Variants in OPCML observed in about 807,000 individuals in gnomAD.
OPCML encodes the protein opioid binding protein/cell adhesion molecule like.
OPCML carries 13 observed loss-of-function variants against 37.8 expected under a neutral mutation model. The ratio of observed to expected loss-of-function variants is 0.34; its 90% confidence interval spans 0.22 to 0.55. OPCML has a LOEUF of 0.55. Among genes scored for constraint, OPCML ranks in the 20% least tolerant of loss-of-function variants. The probability of loss-of-function intolerance (pLI) is 0.91; values close to 1 mark genes in which losing one functional copy is unlikely to be tolerated. For synonymous variants in OPCML, 176 were observed against 168.8 expected (o/e 1.04, Z -0.33); for missense variants, 341 against 435.6 (o/e 0.78, Z 1.93).
chr11:133,301,642 G>A (rs1387381841), intron 1 of OPCML: 2 of 152,016 alleles, frequency 1.3e-5, no homozygotes, highest in South Asian at 2.1e-4. Context: ...TGATAAAATC[G>A]GAGGGGGAAA....
At chr11:133,467,809 C>G (rs983544683) in intron 1 of OPCML, among the ~76,000 whole-genome samples, 2 of 152,170 alleles carry the variant, frequency 1.3e-5, no homozygotes, top group Non-Finnish European at 2.9e-5. Flanking sequence ...AATGAATTCC[C>G]TCACACTCCA....
intron 1 of OPCML, among the ~76,000 whole-genome samples, chr11:133,441,157 T>A (rs1946358382): frequency 6.6e-6 from 1 of 151,972 alleles, no homozygotes; most frequent in Non-Finnish European, 1.5e-5. Context: ...AATTTGTAAT[T>A]AAAAATAAAT....
intron 1 of OPCML, among the ~76,000 whole-genome samples, chr11:132,957,730 A>C (rs1290189168): frequency 6.6e-6 from 1 of 151,916 alleles, no homozygotes; most frequent in Non-Finnish European, 1.5e-5. Context: ...AAACTTTCTC[A>C]TTATATCTAG....
rs554564146 is a variant in OPCML at position 132,455,098 on chromosome 11, T to C, written c.506-17739A>G. Among the ~76,000 whole-genome samples, 189 of 152,320 alleles carry C rather than the reference T, an allele frequency of 1.2e-3. 1 individual carries two copies. Among genetic ancestry groups the C allele is most frequent in the Middle Eastern group, 0.01 (3 of 294 alleles). On this transcript the variant is annotated intron_variant, in intron 4 of 7. Transcript: ENST00000524381. Reference sequence around the variant, plus strand: ...ACATAACAGCTACATTCTTAAACGATCTTATCTAAATCCCATGCTCCTCAT... The same window carrying C: ...ACATAACAGCTACATTCTTAAACGACCTTATCTAAATCCCATGCTCCTCAT...
At chr11:132,539,829 G>A (rs1332140312) in intron 3 of OPCML, among the ~76,000 whole-genome samples, 2 of 152,102 alleles carry the variant, frequency 1.3e-5, no homozygotes, top group Non-Finnish European at 2.9e-5. Context: ...TGACGGTGAT[G>A]ATGATGTTGA....
intron 2 of OPCML, among the ~76,000 whole-genome samples, chr11:132,725,068 C>G (rs1471478402): frequency 6.6e-6 from 1 of 152,186 alleles, no homozygotes; most frequent in Non-Finnish European, 1.5e-5. Context: ...TGGCCCTATT[C>G]TCACAGGTCC....
chr11:132,742,554 T>A (rs1945466079), intron 2 of OPCML, among the ~76,000 whole-genome samples: 1 of 152,074 alleles, frequency 6.6e-6, no homozygotes, highest in Non-Finnish European at 1.5e-5. Context: ...GTTCCCAGCC[T>A]CTAGAACTAG....
chr11:132,890,898 C>T (rs1329425395), intron 2 of OPCML, among the ~76,000 whole-genome samples: 3 of 149,800 alleles, frequency 2.0e-5, no homozygotes, highest in African/African-American at 7.4e-5. Flanking sequence ...AGAAAAATGA[C>T]CCTATGATGA....
At chr11:132,927,751 T>C (rs971740294) in intron 2 of OPCML, among the ~76,000 whole-genome samples, 4 of 152,054 alleles carry the variant, frequency 2.6e-5, no homozygotes, top group South Asian at 2.1e-4. Context: ...TATAAAACTA[T>C]ACATAATAAT....
intron 1 of OPCML, among the ~76,000 whole-genome samples, chr11:133,228,476 G>C (rs1200650257): frequency 6.6e-6 from 1 of 152,266 alleles, no homozygotes; most frequent in African/African-American, 2.4e-5. Context: ...CTCAGAGAGA[G>C]TTTTCAAACT....
chr11:132,472,804 G>A lies in OPCML; in HGVS notation c.506-35445C>T, dbSNP rs567521411. Among the ~76,000 whole-genome samples, 11 of 152,328 alleles carry A rather than the reference G, an allele frequency of 7.2e-5. No individual in the cohort carries two copies. The East Asian group carries it at 9.7e-4, about 13-fold the overall frequency. On this transcript the variant is annotated intron_variant, in intron 4 of 7. Transcript: ENST00000524381. ...TCACTGCAGGGGGCAGTGGAAGCATGGCCTGATGGCATTTGTATCTTTCTC... is the reference window on the plus strand; with the variant it reads ...TCACTGCAGGGGGCAGTGGAAGCATAGCCTGATGGCATTTGTATCTTTCTC...
At chr11:132,830,520 C>G (rs780686946) in intron 2 of OPCML, among the ~76,000 whole-genome samples, 2 of 152,198 alleles carry the variant, frequency 1.3e-5, no homozygotes, top group South Asian at 4.1e-4. Flanking sequence ...CACCAGGATG[C>G]CTTCTGCAGT....
chr11:133,214,161 T>C (rs992147012), intron 1 of OPCML, among the ~76,000 whole-genome samples: 1 of 152,160 alleles, frequency 6.6e-6, no homozygotes, highest in Non-Finnish European at 1.5e-5. Flanking sequence ...CCAATTTTAA[T>C]AATAAGATTA....
chr11:133,039,773 G>A (rs908091050), intron 1 of OPCML, among the ~76,000 whole-genome samples: 1 of 152,010 alleles, frequency 6.6e-6, no homozygotes, highest in Non-Finnish European at 1.5e-5. Context: ...TGAAAGATTG[G>A]GGGAGGACAA....
chr11:132,733,985 T>A (rs1377132731), intron 2 of OPCML, among the ~76,000 whole-genome samples: 1 of 152,222 alleles, frequency 6.6e-6, no homozygotes, highest in Non-Finnish European at 1.5e-5. Context: ...CCTAGGTGTA[T>A]GACATTGAGT....
chr11:133,397,086 G>A (rs1945303825), intron 1 of OPCML, among the ~76,000 whole-genome samples: 1 of 152,106 alleles, frequency 6.6e-6, no homozygotes, highest in Admixed American at 6.5e-5. Context: ...GATTTTCCTG[G>A]CAACTGAAGA....
At chr11:132,811,695 G>A (rs1314012883) in intron 2 of OPCML, among the ~76,000 whole-genome samples, 3 of 152,168 alleles carry the variant, frequency 2.0e-5, no homozygotes, top group African/African-American at 4.8e-5. Context: ...TGCTGCCTTA[G>A]AGTGTCGGCA....
rs554632480 is a variant in OPCML, at chr11:133,174,629, GC to G, written c.62-231620del. On this transcript the variant is annotated intron_variant, in intron 1 of 7. Transcript: ENST00000524381. This position sits in a 1 kb window ranked among gnomAD's most constrained non-coding sequence, Gnocchi z 4.6. ...TGTGTTGAAAAAATGCTCATGGAAT[GC>G]TGTTTAGTGAAAAAAAAAAAAAAAA... Among the ~76,000 whole-genome samples, 46 of 124,414 alleles carry G rather than the reference GC, an allele frequency of 3.7e-4. No individual in the cohort carries two copies. The highest frequency in any genetic ancestry group is 9.0e-3 in the Middle Eastern group (2 of 222). 81.6% of individuals were successfully genotyped at this position (124,414 alleles called of 152,430 possible). A position where few individuals can be genotyped will look rare whatever the true frequency, so the allele number is the denominator to read the frequency against.
intron 1 of OPCML, among the ~76,000 whole-genome samples, chr11:133,398,503 T>G (rs1414915257): frequency 6.6e-6 from 1 of 152,166 alleles, no homozygotes; most frequent in Non-Finnish European, 1.5e-5. Context: ...AGATGCGTCT[T>G]CTCTGTTCCT....
Sources: allele counts gnomAD v4.1 joint callset (sites outside exome capture counted in the v4.1 genomes callset), GRCh38; gene constraint gnomAD v4.1.1; non-coding constraint Gnocchi (gnomAD v3.1); transcripts MANE v1.5; gene names NCBI Gene and HGNC (gene_info 2026-07-23, HGNC 2026-07-21).